SEMA4D: variants seen among roughly 807,000 people sequenced by gnomAD.
The protein encoded by SEMA4D is semaphorin 4D.
SEMA4D carries 22 observed loss-of-function variants against 74.8 expected under a neutral mutation model. That is an observed-to-expected ratio of 0.29 (90% CI 0.21 to 0.42). SEMA4D has a LOEUF of 0.42. Ranked by LOEUF, SEMA4D falls within the 10% of genes least tolerant of loss-of-function variation. The pLI is 1.00. For missense variants in SEMA4D, 937 were observed against 1,118.4 expected (o/e 0.84, Z 2.31); for synonymous variants, 445 against 463.7 (o/e 0.96, Z 0.52).
chr9:89,479,461 T>A (rs1263565309), intron 1 of SEMA4D: 1 of 157,442 alleles, frequency 6.4e-6, no homozygotes, highest in African/African-American at 2.4e-5. Flanking sequence ...ACCCTCAAGA[T>A]CCCCTCAAAG....
chr9:89,481,997 C>T (rs1339344017), intron 1 of SEMA4D, among the ~76,000 whole-genome samples: 10 of 152,224 alleles, frequency 6.6e-5, no homozygotes, highest in Non-Finnish European at 1.2e-4. Flanking sequence ...TGCTTCCTGT[C>T]GATGACCTTC....
chr9:89,411,185 A>C (rs1347366628), intron 2 of SEMA4D, among the ~76,000 whole-genome samples: 1 of 152,192 alleles, frequency 6.6e-6, no homozygotes, highest in Non-Finnish European at 1.5e-5. Context: ...TGTTCTCAGA[A>C]ATGCATTTTA....
chr9:89,378,492 G>A lies in SEMA4D; in HGVS notation c.*212C>T. The A allele has an allele frequency of 1.8e-6, 1 of 562,576 alleles. No homozygotes were observed. Among genetic ancestry groups the A allele is most frequent in the Non-Finnish European group, 3.2e-6 (1 of 315,518 alleles). 34.8% of individuals were successfully genotyped at this position (562,576 alleles called of 1,614,324 possible). Reference sequence around the variant, plus strand: ...TGACTTCGGAACACAAGACTGGGATGCAATGCTTGTCATTTTTCCAAAAGG... The same window carrying A: ...TGACTTCGGAACACAAGACTGGGATACAATGCTTGTCATTTTTCCAAAAGG... On this transcript the variant is annotated 3_prime_UTR_variant, in exon 16 of 16. Transcript: ENST00000422704.
chr9:89,466,286 C>T (rs114924832), intron 1 of SEMA4D, among the ~76,000 whole-genome samples: 3 of 152,310 alleles, frequency 2.0e-5, no homozygotes, highest in African/African-American at 4.8e-5. Flanking sequence ...TGAGTTCCCA[C>T]GTAGTGATGC....
chr9:89,364,126 AGCCTTG>A lies in SEMA4D; in HGVS notation c.1883-182_1883-177del, dbSNP rs946542472. 108 of 1,375,774 alleles carry A rather than the reference AGCCTTG, an allele frequency of 7.9e-5. No homozygotes were observed. In the African/African-American group the frequency reaches 1.4e-3, roughly 18 times the overall value. 85.2% of individuals were successfully genotyped at this position (1,375,774 alleles called of 1,614,324 possible). A position where few individuals can be genotyped will look rare whatever the true frequency, so the allele number is the denominator to read the frequency against. ...AGGTGGCTTCCCCATGGCCAGCGGG[AGCCTTG>A]GCCTTGGCCCGTCCTGTGGACTTCC... On this transcript the variant is annotated intron_variant, in intron 16 of 18. Transcript: ENST00000339861.
intron 13 of SEMA4D, chr9:89,385,120 G>A (rs376264556): frequency 1.1e-6 from 1 of 929,166 alleles, no homozygotes. Flanking sequence ...ACCGAGTTCT[G>A]GGAGATGGCG....
intron 16 of SEMA4D, chr9:89,367,819 A>C (rs796748125): frequency 9.2e-5 from 14 of 152,446 alleles, no homozygotes; most frequent in African/African-American, 3.4e-4. Context: ...ACATCAACTC[A>C]GGAGTCTGGG....
At chr9:89,394,685 C>T (rs550881531) in intron 6 of SEMA4D, among the ~76,000 whole-genome samples, 6 of 152,304 alleles carry the variant, frequency 3.9e-5, no homozygotes, top group Non-Finnish European at 7.3e-5. Flanking sequence ...GCTCAGACCA[C>T]GTGGAAGGCC....
At chr9:89,371,570 G>T (rs1481525832) in intron 16 of SEMA4D, among the ~76,000 whole-genome samples, 2 of 62,698 alleles carry the variant, frequency 3.2e-5, no homozygotes, top group African/African-American at 1.4e-4. Context: ...GTGGGGGGGG[G>T]TGTGTGTCTG....
At chr9:89,461,700 C>CTTTTTTTTTTTTTTTTTTTTTTTT (rs61696689) in intron 1 of SEMA4D, among the ~76,000 whole-genome samples, 6 of 103,662 alleles carry the variant, frequency 5.8e-5, no homozygotes, top group African/African-American at 2.1e-4. Flanking sequence ...TCTTTTTTCT[C>CTTTTTTTTTTTTTTTTTTTTTTTT]TTTTTTTTTT....
chr9:89,364,268 C>T (rs1833231212), intron 16 of SEMA4D: 1 of 426,754 alleles, frequency 2.3e-6, no homozygotes, highest in African/African-American at 2.0e-5. Context: ...GGTTCTGGGC[C>T]TTGGAACAGC....
At chr9:89,383,036 G>A (rs879336288) in intron 13 of SEMA4D, among the ~76,000 whole-genome samples, 2 of 152,196 alleles carry the variant, frequency 1.3e-5, no homozygotes, top group Non-Finnish European at 2.9e-5. Flanking sequence ...AAAACTAAAC[G>A]ACGCCACACA....
At chr9:89,373,123 C>T (rs1835334501), downstream of SEMA4D, among the ~76,000 whole-genome samples, 1 of 152,118 alleles carries the variant, frequency 6.6e-6, no homozygotes, top group African/African-American at 2.4e-5. Flanking sequence ...TCCACCCCAC[C>T]ACCAGGCCTC....
chr9:89,384,249 G>A, intron 13 of SEMA4D, among the ~76,000 whole-genome samples: 1 of 152,208 alleles, frequency 6.6e-6, no homozygotes, highest in East Asian at 1.9e-4. Flanking sequence ...TGTCCATCAA[G>A]GGATGAACGC....
intron 16 of SEMA4D, among the ~76,000 whole-genome samples, chr9:89,370,073 A>G (rs896946704): frequency 6.0e-5 from 9 of 149,240 alleles, no homozygotes; most frequent in Non-Finnish European, 8.9e-5. Flanking sequence ...TGTGTTTGGT[A>G]TGGTGTGTAT....
intron 2 of SEMA4D, among the ~76,000 whole-genome samples, chr9:89,435,787 A>AC (rs1174481156): frequency 2.6e-5 from 4 of 152,178 alleles, no homozygotes; most frequent in African/African-American, 9.7e-5. Context: ...TCCCAGGGCC[A>AC]CGCCCACAGG....
intron 1 of SEMA4D, among the ~76,000 whole-genome samples, chr9:89,459,919 T>C (rs9969727): frequency 0.49 from 74,267 of 152,022 alleles, 18,837 homozygotes; most frequent in Middle Eastern, 0.58. Context: ...TGCAACAATG[T>C]CAAGTGCTCC....
At chr9:89,407,683 G>GGCCA (rs1360010501) in intron 2 of SEMA4D, among the ~76,000 whole-genome samples, 1 of 152,062 alleles carries the variant, frequency 6.6e-6, no homozygotes, top group African/African-American at 2.4e-5. Context: ...TTTTCATCAT[G>GGCCA]GCCAGCAAGG....
chr9:89,416,534 C>T (rs745597329), intron 2 of SEMA4D, among the ~76,000 whole-genome samples: 43 of 152,156 alleles, frequency 2.8e-4, no homozygotes, highest in Non-Finnish European at 5.1e-4. Flanking sequence ...CACACAGCCA[C>T]GGACACACAG....
Sources: gnomAD v4.1 joint callset for allele counts (sites outside exome capture counted in the v4.1 genomes callset) on GRCh38, gnomAD v4.1.1 for gene constraint, MANE v1.5 for transcripts, NCBI Gene and HGNC (gene_info 2026-07-23, HGNC 2026-07-21) for gene names.